ATP2B4: variants seen among roughly 807,000 people sequenced by gnomAD.
ATP2B4 encodes ATPase plasma membrane Ca2+ transporting 4, also known as plasma membrane calcium-transporting ATPase 4.
In ATP2B4, 39 loss-of-function variants were observed where a neutral mutation model predicts 110.3. The ratio of observed to expected loss-of-function variants is 0.35; its 90% confidence interval spans 0.27 to 0.46. The LOEUF is 0.46. ATP2B4 is among the 20% of genes least tolerant of loss of function. ATP2B4 has a pLI of 1.00. For missense variants in ATP2B4, 1,135 were observed against 1,530.9 expected (o/e 0.74, Z 4.32); for synonymous variants, 538 against 571.7 (o/e 0.94, Z 0.84).
At chr1:203,628,403 C>T (rs890405460) in intron 1 of ATP2B4, among the ~76,000 whole-genome samples, 1 of 152,132 alleles carries the variant, frequency 6.6e-6, no homozygotes, top group East Asian at 1.9e-4. Context: ...GCCAGAGGCA[C>T]GTCCCTCCTG....
intron 1 of ATP2B4, among the ~76,000 whole-genome samples, chr1:203,636,257 TTC>T (rs1663433234): frequency 1.3e-5 from 2 of 152,228 alleles, no homozygotes; most frequent in Admixed American, 6.5e-5. Flanking sequence ...AAGCAAGGCC[TTC>T]TAGGCACTCC....
chr1:203,735,635 G>T (rs931284133), intron 20 of ATP2B4, among the ~76,000 whole-genome samples: 2 of 152,058 alleles, frequency 1.3e-5, no homozygotes, highest in African/African-American at 4.8e-5. Context: ...GAGGAATGGG[G>T]GTGGAACTTG....
chr1:203,635,052 G>A (rs1168796667), intron 1 of ATP2B4, among the ~76,000 whole-genome samples: 3 of 152,002 alleles, frequency 2.0e-5, no homozygotes, highest in Non-Finnish European at 2.9e-5. Context: ...TCAGCTCACC[G>A]CAACCTCCGC....
At chr1:203,726,096 G>A (rs371936717) in intron 19 of ATP2B4, among the ~76,000 whole-genome samples, 87 of 148,670 alleles carry the variant, frequency 5.9e-4, no homozygotes, top group Middle Eastern at 3.5e-3. Context: ...AAAATTGGCC[G>A]GGCATGGTGA....
chr1:203,714,676 G>A (rs77685780), intron 15 of ATP2B4, among the ~76,000 whole-genome samples: 2,427 of 152,256 alleles, frequency 0.016, 72 homozygotes, highest in African/African-American at 0.056. Flanking sequence ...AAGTTCATGT[G>A]AAATCACATG....
At chr1:203,692,617 T>C (rs527501461) in intron 2 of ATP2B4, among the ~76,000 whole-genome samples, 1 of 152,178 alleles carries the variant, frequency 6.6e-6, no homozygotes, top group Non-Finnish European at 1.5e-5. Context: ...GCTGCCTCCT[T>C]TGGCAAGGTG....
At chr1:203,702,154 T>C in intron 7 of ATP2B4, 75 bp downstream of exon 7, 1 of 1,555,958 alleles carries the variant, frequency 6.4e-7, no homozygotes, top group Admixed American at 1.7e-5. Context: ...CCATCTTCCT[T>C]CTCCCTTTTC....
chr1:203,705,005 T>A (rs1276170338), intron 8 of ATP2B4, among the ~76,000 whole-genome samples: 1 of 152,172 alleles, frequency 6.6e-6, no homozygotes, highest in Non-Finnish European at 1.5e-5. Context: ...ACACATTGGA[T>A]GGCAGGGATC....
In ATP2B4 at chr1:203,700,872, C is replaced by G; in HGVS notation, c.850C>G (p.Leu284Val). 1 of 1,613,728 alleles carries G rather than the reference C, an allele frequency of 6.2e-7. No individual in the cohort carries two copies. The highest frequency in any genetic ancestry group is 8.5e-7 in the Non-Finnish European group (1 of 1,179,780). The change falls in exon 6 of 21, where the codon CTT (leucine) becomes GTT (valine). Residue 284 changes from leucine to valine, a missense_variant. Around this residue, in one of 9 missense-constraint regions of ATP2B4, gnomAD observed 162 missense variants for 210.5 expected, o/e 0.77. Coordinates refer to ENST00000357681, the MANE Select transcript of ATP2B4 (RefSeq NM_001684.5). ...VGVNSQTGIILTLLGVNEDDE... is the reference protein window; with the variant it reads ...VGVNSQTGIIVTLLGVNEDDE... ...TGTCAACTCTCAGACTGGAATCATC[C>G]TTACTCTCTTGGGGGTCAATGAGGA...
intron 1 of ATP2B4, among the ~76,000 whole-genome samples, chr1:203,642,579 T>A (rs1663664622): frequency 6.6e-6 from 1 of 152,194 alleles, no homozygotes; most frequent in South Asian, 2.1e-4. Context: ...GATGCTGAAG[T>A]CTTATATTGA....
intron 1 of ATP2B4, among the ~76,000 whole-genome samples, chr1:203,638,100 GA>G (rs942209608): frequency 3.9e-5 from 6 of 152,090 alleles, no homozygotes; most frequent in African/African-American, 1.4e-4. Flanking sequence ...ATTTTAAAGA[GA>G]AAGGACAGAT....
intron 1 of ATP2B4, among the ~76,000 whole-genome samples, chr1:203,667,779 C>T (rs1237096055): frequency 6.6e-6 from 1 of 152,214 alleles, no homozygotes; most frequent in Non-Finnish European, 1.5e-5. Flanking sequence ...AGACAGCAGC[C>T]TGGCGTGTCC....
At chr1:203,680,062 A>T (rs1664955324) in intron 1 of ATP2B4, among the ~76,000 whole-genome samples, 1 of 7,624 alleles carries the variant, frequency 1.3e-4, no homozygotes, top group Non-Finnish European at 6.8e-4. Flanking sequence ...CTCTTTCTCA[A>T]AAAAAAAAAA....
chr1:203,682,291 A>T (rs1665039122), intron 1 of ATP2B4, among the ~76,000 whole-genome samples: 1 of 152,062 alleles, frequency 6.6e-6, no homozygotes, highest in Non-Finnish European at 1.5e-5. Context: ...AGGCAGACTG[A>T]CAGGCCACCC....
chr1:203,739,098 T>C (rs1438900842), intron 20 of ATP2B4, among the ~76,000 whole-genome samples: 1 of 152,208 alleles, frequency 6.6e-6, no homozygotes, highest in African/African-American at 2.4e-5. Flanking sequence ...AATTTTTCCA[T>C]TCCACATTCA....
intron 1 of ATP2B4, among the ~76,000 whole-genome samples, chr1:203,638,781 T>C (rs1381544941): frequency 6.6e-6 from 1 of 152,224 alleles, no homozygotes; most frequent in African/African-American, 2.4e-5. Context: ...TGTGAGGTCA[T>C]GTGCTAGGAG....
At chr1:203,705,654 T>A (rs963976687) in intron 8 of ATP2B4, among the ~76,000 whole-genome samples, 5 of 152,238 alleles carry the variant, frequency 3.3e-5, no homozygotes, top group African/African-American at 1.2e-4. Flanking sequence ...TGGCCTCAAG[T>A]GATCTGCCGG....
At position 203,736,341 on chromosome 1, in the gene ATP2B4, G is replaced by A. The variant is rs191880642; in HGVS notation, c.3310-3205G>A. On this transcript the variant is annotated intron_variant, in intron 20 of 20. Transcript: ENST00000357681. ...AAAATAGCTGAGTGCGGTGGCGCAC[G>A]TCTGTAATCCCAGCTACTCTAGAGG... Among the ~76,000 whole-genome samples the A allele has an allele frequency of 5.1e-4, 77 of 152,226 alleles. 3 individuals carry two copies. The East Asian group carries it at 8.7e-3, about 17-fold the overall frequency.
At chr1:203,709,701 T>C (rs189758802) in intron 11 of ATP2B4, among the ~76,000 whole-genome samples, 159 bp downstream of exon 11, 24 of 152,276 alleles carry the variant, frequency 1.6e-4, no homozygotes, top group Non-Finnish European at 2.9e-4. Flanking sequence ...CGCATGTTTT[T>C]TAAGTGCTTA....
Sources: gnomAD v4.1 joint callset for allele counts (sites outside exome capture counted in the v4.1 genomes callset) on GRCh38, gnomAD v4.1.1 for gene constraint, gnomAD v4.1.1 regional missense constraint, MANE v1.5 for transcripts, NCBI Gene and HGNC (gene_info 2026-07-23, HGNC 2026-07-21) for gene names.